Variants in SCEL observed in about 807,000 individuals in gnomAD.
SCEL encodes the protein sciellin.
Under a neutral mutation model 117.6 loss-of-function variants are expected in SCEL, and 113 were observed. That is an observed-to-expected ratio of 0.96 (90% CI 0.83 to 1.12). The LOEUF (loss-of-function observed/expected upper bound fraction) is 1.12, where lower values mean the gene tolerates loss of function less well. SCEL is among the 50% of genes most tolerant of loss of function. The pLI, the probability that SCEL is intolerant of heterozygous loss-of-function variation, is 0.00. For synonymous variants in SCEL, 270 were observed against 256.2 expected (o/e 1.05, Z -0.51); for missense variants, 785 against 810.8 (o/e 0.97, Z 0.39).
chr13:77,593,298 C>CGCGCG (rs1195863187), intron 11 of SCEL, among the ~76,000 whole-genome samples: 85 of 73,728 alleles, frequency 1.2e-3, no homozygotes, highest in African/African-American at 2.0e-3. Flanking sequence ...GTGTGTGTGT[C>CGCGCG]TGTGTGTGTG....
intron 31 of SCEL, among the ~76,000 whole-genome samples, chr13:77,642,387 C>G (rs2090599035): frequency 6.6e-6 from 1 of 152,198 alleles, no homozygotes; most frequent in Admixed American, 6.5e-5. Context: ...AACTTTTTCT[C>G]AAACCCAGTC....
chr13:77,545,983 G>C (rs1322316355), intron 1 of SCEL, among the ~76,000 whole-genome samples: 1 of 152,172 alleles, frequency 6.6e-6, no homozygotes, highest in African/African-American at 2.4e-5. Flanking sequence ...ATACATTATA[G>C]TTTCCTTTCT....
At chr13:77,614,567 A>G (rs1020460269) in intron 24 of SCEL, among the ~76,000 whole-genome samples, 9 of 152,196 alleles carry the variant, frequency 5.9e-5, no homozygotes, top group Non-Finnish European at 1.0e-4. Context: ...ATATATAAAT[A>G]TATCTTAAGA....
intron 10 of SCEL, among the ~76,000 whole-genome samples, chr13:77,590,151 A>G (rs1356504929): frequency 6.6e-6 from 1 of 152,102 alleles, no homozygotes; most frequent in South Asian, 2.1e-4. Flanking sequence ...TAGTAGACAC[A>G]ATTATAGAAA....
At chr13:77,549,213 A>G (rs909114496) in intron 1 of SCEL, among the ~76,000 whole-genome samples, 3 of 152,180 alleles carry the variant, frequency 2.0e-5, no homozygotes, top group Non-Finnish European at 2.9e-5. Context: ...CTGCATCCTC[A>G]CCAGCATCTG....
intron 28 of SCEL, among the ~76,000 whole-genome samples, chr13:77,629,934 T>A (rs1024750434): frequency 4.6e-5 from 7 of 151,948 alleles, no homozygotes; most frequent in African/African-American, 1.7e-4. Flanking sequence ...GGATTGGGGG[T>A]CTTATGACCT....
rs2087031557 is a variant in SCEL at position 77,593,381 on chromosome 13, T to A, written c.693-133T>A. 3 of 603,134 alleles carry A rather than the reference T, an allele frequency of 5.0e-6. No homozygotes were observed. The African/African-American group carries it at 5.7e-5, about 11-fold the overall frequency. The allele number at this position is 603,134 out of a possible 1,614,324, so 37.4% of individuals were successfully genotyped here. ...TGACATAATAGAACCATTTTGTCAT[T>A]CTGTTAAACTCAGTAATTCCTGAAC... is the stretch of plus-strand genomic sequence containing the variant. On this transcript the variant is annotated intron_variant, in intron 11 of 32. Transcript: ENST00000349847.
chr13:77,569,355 T>G lies in SCEL; in HGVS notation c.399-16T>G, dbSNP rs371977554. The G allele has an allele frequency of 2.5e-6, 4 of 1,608,002 alleles. No homozygotes were observed. Among genetic ancestry groups the G allele is most frequent in the Non-Finnish European group, 3.4e-6 (4 of 1,174,658 alleles). ...GTTTGAGAGTGGGATTAATTGTTGTTCTTGTCATTAAACAGGCAACCTGGC... is the reference window on the plus strand; with the variant it reads ...GTTTGAGAGTGGGATTAATTGTTGTGCTTGTCATTAAACAGGCAACCTGGC... On this transcript the variant is annotated splice_polypyrimidine_tract_variant and intron_variant, in intron 7 of 32. Transcript: ENST00000349847.
chr13:77,628,713 A>T (rs983303601), intron 28 of SCEL, among the ~76,000 whole-genome samples: 1 of 152,124 alleles, frequency 6.6e-6, no homozygotes, highest in African/African-American at 2.4e-5. Flanking sequence ...TATTTTTTCT[A>T]TGAAAAGAAA....
chr13:77,638,795 C>T (rs1055756879), intron 30 of SCEL, among the ~76,000 whole-genome samples: 29 of 152,158 alleles, frequency 1.9e-4, no homozygotes, highest in African/African-American at 7.0e-4. Context: ...TTCACTGATG[C>T]TGAATCCCTC....
intron 16 of SCEL, 100 bp downstream of exon 16, chr13:77,602,224 C>A: frequency 1.1e-6 from 1 of 937,786 alleles, no homozygotes; most frequent in African/African-American, 1.7e-5. Context: ...TGGCAGTGAA[C>A]TCTTGTACTG....
At chr13:77,539,499 A>G (rs2083584110) in intron 1 of SCEL, among the ~76,000 whole-genome samples, 1 of 152,100 alleles carries the variant, frequency 6.6e-6, no homozygotes, top group Non-Finnish European at 1.5e-5. Context: ...AATTTTAGTC[A>G]AAAGTTCCAA....
intron 29 of SCEL, 100 bp downstream of exon 29, chr13:77,634,550 A>G: frequency 1.3e-6 from 1 of 761,178 alleles, no homozygotes; most frequent in Non-Finnish European, 2.2e-6. Context: ...GCTTCTTTCA[A>G]ATAGAAGACC....
chr13:77,587,017 C>T (rs1026987537), intron 9 of SCEL, among the ~76,000 whole-genome samples: 2 of 151,922 alleles, frequency 1.3e-5, no homozygotes, highest in Admixed American at 6.6e-5. Flanking sequence ...CATCTTACTA[C>T]GTTTCCTGGG....
intron 10 of SCEL, 104 bp from the exon 11 acceptor site, chr13:77,591,291 C>G: frequency 1.3e-6 from 1 of 767,870 alleles, no homozygotes; most frequent in Non-Finnish European, 2.2e-6. Context: ...ATGGTTCCAA[C>G]AAACACTGAT....
chr13:77,564,146 T>C (rs965984123), intron 5 of SCEL, among the ~76,000 whole-genome samples: 2 of 151,850 alleles, frequency 1.3e-5, no homozygotes, highest in African/African-American at 4.8e-5. Context: ...CTGATTTGAG[T>C]ACAGCTAGGG....
chr13:77,562,347 C>T (rs780596633), intron 4 of SCEL, among the ~76,000 whole-genome samples: 1 of 152,138 alleles, frequency 6.6e-6, no homozygotes, highest in East Asian at 1.9e-4. Flanking sequence ...CATTTACACA[C>T]GATGGTGAAC....
At chr13:77,618,726 A>G (rs1458581451) in intron 27 of SCEL, among the ~76,000 whole-genome samples, 1 of 152,196 alleles carries the variant, frequency 6.6e-6, no homozygotes, top group East Asian at 1.9e-4. Context: ...ATAGAGTTTT[A>G]GGACTGAAAT....
At chr13:77,551,943 T>C (rs2084356061) in intron 1 of SCEL, among the ~76,000 whole-genome samples, 1 of 147,762 alleles carries the variant, frequency 6.8e-6, no homozygotes, top group Non-Finnish European at 1.5e-5. Context: ...GAATATGCGG[T>C]GTTTGGTTTT....
Sources: gnomAD v4.1 joint callset for allele counts (sites outside exome capture counted in the v4.1 genomes callset) on GRCh38, gnomAD v4.1.1 for gene constraint, MANE v1.5 for transcripts, NCBI Gene and HGNC (gene_info 2026-07-23, HGNC 2026-07-21) for gene names.